DGKB: variants seen among roughly 807,000 people sequenced by gnomAD.
The protein encoded by DGKB is diacylglycerol kinase beta.
A neutral mutation model predicts 114.3 loss-of-function variants in DGKB; 67 were observed. The ratio of observed to expected loss-of-function variants is 0.59; its 90% confidence interval spans 0.48 to 0.72. The LOEUF (loss-of-function observed/expected upper bound fraction) is 0.72, where lower values mean the gene tolerates loss of function less well. DGKB is among the 30% of genes least tolerant of loss of function. The pLI, the probability that DGKB is intolerant of heterozygous loss-of-function variation, is 0.00. For synonymous variants in DGKB, 398 were observed against 323.1 expected (o/e 1.23, Z -2.49); for missense variants, 907 against 975.2 (o/e 0.93, Z 0.93).
At chr7:14,938,756 C>A (rs1785404064) in intron 1 of DGKB, among the ~76,000 whole-genome samples, 1 of 152,072 alleles carries the variant, frequency 6.6e-6, no homozygotes, top group Admixed American at 6.6e-5. Flanking sequence ...GCTGTACTTG[C>A]TGAGAAATGT....
At chr7:14,824,449 C>T (rs74537646) in intron 2 of DGKB, among the ~76,000 whole-genome samples, 2,684 of 152,104 alleles carry the variant, frequency 0.018, 80 homozygotes, top group African/African-American at 0.061. Context: ...AGAAGACAGA[C>T]TAAGCAAAAG....
At chr7:14,583,688 T>C (rs1000913324) in intron 17 of DGKB, among the ~76,000 whole-genome samples, 1 of 152,190 alleles carries the variant, frequency 6.6e-6, no homozygotes, top group Non-Finnish European at 1.5e-5. Flanking sequence ...GGCTTCACCT[T>C]GTATTTTGAC....
intron 21 of DGKB, among the ~76,000 whole-genome samples, chr7:14,369,717 T>A (rs1037716058): frequency 3.9e-5 from 6 of 152,254 alleles, no homozygotes; most frequent in Non-Finnish European, 8.8e-5. Flanking sequence ...ATAAATGTCC[T>A]CTTTTGAGAA....
chr7:14,234,134 A>G (rs1792378882), intron 23 of DGKB, among the ~76,000 whole-genome samples: 1 of 152,016 alleles, frequency 6.6e-6, no homozygotes, highest in African/African-American at 2.4e-5. Flanking sequence ...AGCTATGGAG[A>G]AAAAGTAAGG....
At chr7:14,429,932 C>A (rs974678535) in intron 21 of DGKB, among the ~76,000 whole-genome samples, 13 of 151,662 alleles carry the variant, frequency 8.6e-5, no homozygotes, top group African/African-American at 2.2e-4. Context: ...GTCCCCCCCC[C>A]CAAAAAAAAG....
chr7:14,349,449 A>G (rs1378599614), intron 21 of DGKB, among the ~76,000 whole-genome samples: 1 of 152,120 alleles, frequency 6.6e-6, no homozygotes, highest in Non-Finnish European at 1.5e-5. Context: ...ATGTCCATCA[A>G]AGTTCCTCAC....
chr7:14,474,606 T>G (rs1296365143), intron 21 of DGKB, among the ~76,000 whole-genome samples: 1 of 149,174 alleles, frequency 6.7e-6, no homozygotes, highest in East Asian at 2.0e-4. Context: ...CCCTTTTTAA[T>G]GTTGCTTATT....
chr7:14,221,601 T>C (rs992473649), intron 23 of DGKB, among the ~76,000 whole-genome samples: 5 of 151,604 alleles, frequency 3.3e-5, no homozygotes, highest in African/African-American at 1.2e-4. Flanking sequence ...TTTGCATCTA[T>C]ATTCATAAAA....
chr7:14,562,963 C>A (rs561952898), intron 20 of DGKB, among the ~76,000 whole-genome samples: 1 of 152,118 alleles, frequency 6.6e-6, no homozygotes, highest in South Asian at 2.1e-4. Flanking sequence ...CCAAATCTCA[C>A]CTTAAATTGT....
At chr7:14,623,231 T>G (rs1350212910) in intron 14 of DGKB, among the ~76,000 whole-genome samples, 2 of 152,248 alleles carry the variant, frequency 1.3e-5, no homozygotes, top group Non-Finnish European at 2.9e-5. Flanking sequence ...TGGCAATGCA[T>G]GCCATGGGTG....
intron 23 of DGKB, among the ~76,000 whole-genome samples, chr7:14,224,237 G>T (rs1790436980): frequency 6.6e-6 from 1 of 151,686 alleles, no homozygotes; most frequent in Admixed American, 6.6e-5. Context: ...AATCTTTACT[G>T]ATCAATTTTC....
chr7:14,196,676 C>T (rs777850270), intron 23 of DGKB, among the ~76,000 whole-genome samples: 1 of 151,790 alleles, frequency 6.6e-6, no homozygotes, highest in Non-Finnish European at 1.5e-5. Flanking sequence ...AAATCTATTC[C>T]ACACATAAAA....
chr7:14,895,504 A>G (rs1292290421), intron 1 of DGKB, among the ~76,000 whole-genome samples: 3 of 151,618 alleles, frequency 2.0e-5, no homozygotes, highest in Non-Finnish European at 4.4e-5. Flanking sequence ...TCATCTAAAC[A>G]TCAGCTCTTT....
chr7:14,669,302 C>G (rs1428402143), intron 13 of DGKB, among the ~76,000 whole-genome samples: 1 of 152,112 alleles, frequency 6.6e-6, no homozygotes, highest in East Asian at 1.9e-4. Flanking sequence ...TTACAACGAC[C>G]TAAATTGTCC....
intron 23 of DGKB, among the ~76,000 whole-genome samples, chr7:14,319,553 A>C (rs528256298): frequency 6.6e-6 from 1 of 152,196 alleles, no homozygotes; most frequent in Non-Finnish European, 1.5e-5. Context: ...ACCTCACATA[A>C]GCAAAAGTTC....
At chr7:14,620,685 A>G (rs1807457559) in intron 15 of DGKB, among the ~76,000 whole-genome samples, 1 of 151,724 alleles carries the variant, frequency 6.6e-6, no homozygotes, top group Non-Finnish European at 1.5e-5. Flanking sequence ...TTTCTGTTGA[A>G]GTAAGAAACA....
chr7:14,567,686 A>C (rs935260145), intron 20 of DGKB, among the ~76,000 whole-genome samples: 1 of 147,698 alleles, frequency 6.8e-6, no homozygotes, highest in Non-Finnish European at 1.5e-5. Flanking sequence ...GGCTCACTGC[A>C]ACCTCTGCCT....
chr7:14,640,140 T>C (rs1359774927), intron 13 of DGKB, among the ~76,000 whole-genome samples: 2 of 152,176 alleles, frequency 1.3e-5, no homozygotes, highest in Non-Finnish European at 2.9e-5. Flanking sequence ...TGGACTCAAA[T>C]CATGATGCTG....
intron 2 of DGKB, among the ~76,000 whole-genome samples, chr7:14,824,854 A>T (rs1247147898): frequency 6.6e-6 from 1 of 151,212 alleles, no homozygotes; most frequent in Non-Finnish European, 1.5e-5. Flanking sequence ...GATTTTTTTG[A>T]TTATTGTAAT....
Sources: allele counts gnomAD v4.1 joint callset (sites outside exome capture counted in the v4.1 genomes callset), GRCh38; gene constraint gnomAD v4.1.1; transcripts MANE v1.5; gene names NCBI Gene and HGNC (gene_info 2026-07-23, HGNC 2026-07-21).